Variants in RAB3GAP1 observed in about 807,000 individuals in gnomAD.
RAB3GAP1 encodes rab3 GTPase-activating protein catalytic subunit.
In RAB3GAP1, 86 loss-of-function variants were observed where a neutral mutation model predicts 130.7. The ratio of observed to expected loss-of-function variants is 0.66; its 90% CI spans 0.55 to 0.79. The LOEUF is 0.79. RAB3GAP1 is among the 30% of genes least tolerant of loss of function. The pLI is 0.00. For missense variants in RAB3GAP1, 1,029 were observed against 1,169.4 expected, an observed-to-expected ratio of 0.88 and a Z score of 1.75; for synonymous variants, 367 against 401.7, an observed-to-expected ratio of 0.91 and a Z score of 1.03.
intron 3 of RAB3GAP1, among the ~76,000 whole-genome samples, chr2:135,061,822 A>G (rs374109454): frequency 4.6e-5 from 7 of 152,132 alleles, no homozygotes; most frequent in Non-Finnish European, 7.4e-5. Context: ...TTGAGCTACT[A>G]TATGGAGGGA....
chr2:135,139,014 A>G (rs1298472650), intron 17 of RAB3GAP1, among the ~76,000 whole-genome samples: 1 of 152,020 alleles, frequency 6.6e-6, no homozygotes, highest in Admixed American at 6.6e-5. Flanking sequence ...TATTTTTCTG[A>G]ATTTTCATGA....
rs570784548 is a variant in RAB3GAP1 at position 135,150,371 on chromosome 2, A to G, written c.1926A>G (p.Glu642=). The G allele has an allele frequency of 9.3e-6, 15 of 1,614,214 alleles. No homozygotes were observed. In the South Asian group the frequency reaches 1.4e-4, roughly 15 times the overall value. The change falls in exon 18 of 24, where the codon GAA becomes GAG. Residue 642 remains glutamate (E), a splice_region_variant and synonymous_variant. Coordinates refer to ENST00000264158, the MANE Select transcript of RAB3GAP1 (RefSeq NM_012233.3). ...CCTTGTCCTTTTGTGCTTCACAGGA[A>G]CCAGCACCTATGACAGAAGATCTGC... The part of the protein sequence containing the change: ...GEPLYIPVTQ[E]PAPMTEDLLE...
chr2:135,164,527 A>G, intron 22 of RAB3GAP1, 67 bp from the exon 23 acceptor site: 5 of 1,246,920 alleles, frequency 4.0e-6, no homozygotes, highest in Non-Finnish European at 4.7e-6. Context: ...CTCCTGTGGG[A>G]GGATGGACGC....
At chr2:135,118,413 C>G (rs571703199) in intron 7 of RAB3GAP1, among the ~76,000 whole-genome samples, 2 of 152,164 alleles carry the variant, frequency 1.3e-5, no homozygotes, top group South Asian at 4.2e-4. Flanking sequence ...AAGTTTAATC[C>G]TCTTCTGCCA....
intron 7 of RAB3GAP1, among the ~76,000 whole-genome samples, chr2:135,117,187 A>C (rs1046795019): frequency 6.6e-6 from 1 of 152,146 alleles, no homozygotes; most frequent in African/African-American, 2.4e-5. Flanking sequence ...TCTATTTTAG[A>C]GAATTCCGTG....
chr2:135,141,691 AC>A (rs1691845548), intron 17 of RAB3GAP1, among the ~76,000 whole-genome samples: 1 of 152,080 alleles, frequency 6.6e-6, no homozygotes, highest in South Asian at 2.1e-4. Flanking sequence ...TTATTGTTTT[AC>A]CTATATCATT....
rs570045705 is a variant in RAB3GAP1, at chr2:135,085,957, CT to C, written c.151-5039del. Among the ~76,000 whole-genome samples the C allele has an allele frequency of 1.3e-4, 20 of 152,254 alleles. 1 individual carries two copies. In the East Asian group the frequency reaches 3.9e-3, roughly 29 times the overall value. On this transcript the variant is annotated intron_variant, in intron 3 of 23. Coordinates refer to ENST00000264158, the MANE Select transcript of RAB3GAP1 (RefSeq NM_012233.3). The stretch of plus-strand genomic sequence containing the variant: ...CAGAGGTAACCACAGTTTTGACTTC[CT>C]TCACTGTATATTTTAGTTTTTCCTG...
chr2:135,133,513 A>G (rs1394635629), intron 14 of RAB3GAP1, among the ~76,000 whole-genome samples: 1 of 152,138 alleles, frequency 6.6e-6, no homozygotes, highest in Non-Finnish European at 1.5e-5. Flanking sequence ...CAGTTTAGAT[A>G]GTTATGATTT....
Position 135,153,864 on chromosome 2 carries a change from G to A in RAB3GAP1, c.2277G>A (p.Arg759=), listed in dbSNP as rs1196689696. Residue 759 remains arginine, a synonymous_variant, in exon 19 of 24, where the codon CGG becomes CGA. Coordinates refer to ENST00000264158, the MANE Select transcript of RAB3GAP1 (RefSeq NM_012233.3). ...RRQRRLFDDT[R]EAEKVLHYLA... is the part of the protein sequence containing the mutation. ...AAAGGAGACTCTTTGATGATACACGGGAAGCAGAAAAGGTAATTGAGGTTT... is the reference window on the plus strand; with the variant it reads ...AAAGGAGACTCTTTGATGATACACGAGAAGCAGAAAAGGTAATTGAGGTTT... 6.2e-7 allele frequency: 1 copy of A among 1,613,672 alleles called. No individual in the cohort carries two copies. Among genetic ancestry groups the A allele is most frequent in the Admixed American group, 1.7e-5 (1 of 60,006 alleles).
At chr2:135,053,513 G>C (rs1688934372) in intron 2 of RAB3GAP1, among the ~76,000 whole-genome samples, 1 of 152,208 alleles carries the variant, frequency 6.6e-6, no homozygotes, top group Non-Finnish European at 1.5e-5. Context: ...GGGTGTTGAA[G>C]TCAGTGTTTA....
At chr2:135,114,719 C>T (rs1690915168) in intron 6 of RAB3GAP1, among the ~76,000 whole-genome samples, 1 of 152,184 alleles carries the variant, frequency 6.6e-6, no homozygotes, top group African/African-American at 2.4e-5. Context: ...AGCAATGTAA[C>T]TTGTGCATGA....
intron 8 of RAB3GAP1, among the ~76,000 whole-genome samples, chr2:135,122,822 A>G (rs561903131): frequency 1.3e-5 from 2 of 152,242 alleles, no homozygotes; most frequent in Non-Finnish European, 2.9e-5. Context: ...CCTGGGTTCA[A>G]GCGATTCTCT....
intron 17 of RAB3GAP1, among the ~76,000 whole-genome samples, chr2:135,138,208 C>A (rs1038945927): frequency 6.7e-6 from 1 of 149,906 alleles, no homozygotes; most frequent in Non-Finnish European, 1.5e-5. Flanking sequence ...TTTGGGAGGC[C>A]GAGGTGGGGT....
At chr2:135,128,997 A>G (rs1411528859) in intron 11 of RAB3GAP1, among the ~76,000 whole-genome samples, 1 of 152,138 alleles carries the variant, frequency 6.6e-6, no homozygotes, top group East Asian at 1.9e-4. Flanking sequence ...CAAAAAATAC[A>G]AAAATTAGCT....
In RAB3GAP1 at chr2:135,135,622, C is replaced by T. The variant is rs559230629; in HGVS notation, c.1613C>T (p.Ala538Val). ...CGTGATGAGGGGAAAAAGACAAGTG[C>T]TTCAGATGTCACTAATATATATCCA... ...KARDEGKKTSASDVTNIYPGD... is the reference protein window; with the variant it reads ...KARDEGKKTSVSDVTNIYPGD... Residue 538 changes from alanine (A) to valine (V), a missense_variant, in exon 17 of 24, where the codon GCT becomes GTT. Transcript: ENST00000264158. 10 of 1,611,660 alleles carry T rather than the reference C, an allele frequency of 6.2e-6. No individual in the cohort carries two copies. The African/African-American group carries it at 9.4e-5, about 15-fold the overall frequency.
At chr2:135,156,594 T>A (rs1692320687) in intron 19 of RAB3GAP1, among the ~76,000 whole-genome samples, 1 of 152,208 alleles carries the variant, frequency 6.6e-6, no homozygotes, top group South Asian at 2.1e-4. Flanking sequence ...TAAATTTAAC[T>A]TAAAACTCTT....
At chr2:135,096,501 A>G (rs879803175) in intron 5 of RAB3GAP1, among the ~76,000 whole-genome samples, 8 of 151,962 alleles carry the variant, frequency 5.3e-5, no homozygotes, top group African/African-American at 1.7e-4. Flanking sequence ...TGTAATAATT[A>G]TATCTATTAA....
In RAB3GAP1 at chr2:135,170,022, G is replaced by T. The variant is rs574457529; in HGVS notation, c.*1241G>T. ...CTATATATAATATGTGTGTGTGTGT[G>T]ACATATGCACACGTCTCTGTGTATG... On this transcript the variant is annotated 3_prime_UTR_variant, in exon 24 of 24. Transcript: ENST00000264158. 110 of 235,698 alleles carry T rather than the reference G, an allele frequency of 4.7e-4. 1 individual carries two copies. The South Asian group carries it at 5.4e-3, about 12-fold the overall frequency. 14.6% of individuals were successfully genotyped at this position (235,698 alleles called of 1,614,324 possible).
At chr2:135,081,722 T>C (rs563338635) in intron 3 of RAB3GAP1, among the ~76,000 whole-genome samples, 122 of 152,236 alleles carry the variant, frequency 8.0e-4, no homozygotes, top group African/African-American at 2.7e-3. Context: ...GATGAAATGC[T>C]CAGTGAGTAT....
Sources: gnomAD v4.1 joint callset for allele counts (sites outside exome capture counted in the v4.1 genomes callset) on GRCh38, gnomAD v4.1.1 for gene constraint, MANE v1.5 for transcripts, NCBI Gene and HGNC (gene_info 2026-07-23, HGNC 2026-07-21) for gene names.